Variants in FYN observed in about 807,000 individuals in gnomAD.
FYN encodes the protein FYN proto-oncogene, Src family tyrosine kinase.
A neutral mutation model predicts 70.2 loss-of-function variants in FYN; 10 were observed. The observed-to-expected ratio is 0.14, with a 90% CI of 0.09 to 0.24. The LOEUF is 0.24. Ranked by LOEUF, FYN falls within the 10% of genes least tolerant of loss-of-function variation. FYN has a pLI of 1.00. For missense variants in FYN, 319 were observed against 673.1 expected (o/e 0.47, Z 5.82); for synonymous variants, 236 against 248.6 (o/e 0.95, Z 0.48).
At chr6:111,709,838 C>A (rs75518475) in intron 5 of FYN, among the ~76,000 whole-genome samples, 21 of 152,008 alleles carry the variant, frequency 1.4e-4, no homozygotes, top group Non-Finnish European at 2.9e-5. Flanking sequence ...TTGTAAGCAC[C>A]CCTCTCTTTG....
At position 111,708,033 on chromosome 6, in the gene FYN, A is replaced by G. The variant is rs1293916764; in HGVS notation, c.345-13T>C. ...CCAATCTCCTTCCCTGTAAATAAAA[A>G]AGAAAAGTAAATATGTTGACCATTT... On this transcript the variant is annotated splice_polypyrimidine_tract_variant and intron_variant, in intron 5 of 13. Transcript: ENST00000354650. 6.3e-7 allele frequency: 1 copy of G among 1,593,962 alleles called. No individual in the cohort carries two copies. Among genetic ancestry groups the G allele is most frequent in the Non-Finnish European group, 8.6e-7 (1 of 1,161,912 alleles).
At chr6:111,732,658 C>T (rs774197240) in intron 3 of FYN, among the ~76,000 whole-genome samples, 10 of 152,198 alleles carry the variant, frequency 6.6e-5, no homozygotes, top group Non-Finnish European at 1.2e-4. Flanking sequence ...GGCCAGATCA[C>T]TTAATTCTAG....
At chr6:111,758,185 T>C (rs1237883162) in intron 3 of FYN, among the ~76,000 whole-genome samples, 3 of 152,214 alleles carry the variant, frequency 2.0e-5, no homozygotes, top group Admixed American at 6.5e-5. Flanking sequence ...TATAATGGAA[T>C]AGTATATAGC....
At chr6:111,836,767 A>T (rs939013299) in intron 2 of FYN, among the ~76,000 whole-genome samples, 1 of 152,236 alleles carries the variant, frequency 6.6e-6, no homozygotes, top group Non-Finnish European at 1.5e-5. Flanking sequence ...GTCTCAAAAA[A>T]GAAACAAAGA....
intron 3 of FYN, among the ~76,000 whole-genome samples, chr6:111,777,908 C>T (rs1040060693): frequency 2.0e-5 from 3 of 152,200 alleles, no homozygotes; most frequent in Non-Finnish European, 2.9e-5. Flanking sequence ...GGATGAGCTG[C>T]GCCTGGGCTC....
rs190959894 is a variant in FYN, at chr6:111,828,729, G to A, written c.-82+17860C>T. Among the ~76,000 whole-genome samples the A allele has an allele frequency of 5.3e-4, 81 of 152,312 alleles. No individual in the cohort carries two copies. In the East Asian group the frequency reaches 0.015, roughly 28 times the overall value. On this transcript the variant is annotated intron_variant, in intron 2 of 13. Coordinates refer to ENST00000354650, the MANE Select transcript of FYN (RefSeq NM_002037.5). ...AATTTATACAGACAAAAAGTAGAAC[G>A]GTGGTTGCCAGGGGCTAGGGGAATG...
chr6:111,824,064 G>C (rs377741989), intron 2 of FYN, among the ~76,000 whole-genome samples: 1 of 152,188 alleles, frequency 6.6e-6, no homozygotes, highest in African/African-American at 2.4e-5. Context: ...TGGGCAAATA[G>C]CTTAAAAAGC....
intron 13 of FYN, among the ~76,000 whole-genome samples, chr6:111,666,769 G>A (rs1324112714): frequency 6.6e-6 from 1 of 152,176 alleles, no homozygotes; most frequent in Non-Finnish European, 1.5e-5. Context: ...GGAGGTTGAG[G>A]CTGTAGTGAG....
intron 3 of FYN, among the ~76,000 whole-genome samples, chr6:111,745,848 T>C (rs1302816987): frequency 6.6e-6 from 1 of 152,108 alleles, no homozygotes; most frequent in East Asian, 1.9e-4. Context: ...CACTGGGGAG[T>C]GAATACACTT....
At chr6:111,688,659 A>ATGCAGCGTGTGTGTGCTCATGCAGCGTG (rs1407417223) in intron 12 of FYN, among the ~76,000 whole-genome samples, 1 of 149,556 alleles carries the variant, frequency 6.7e-6, no homozygotes, top group Admixed American at 6.6e-5. Flanking sequence ...GTGTGTGCTC[A>ATGCAGCGTGTGTGTGCTCATGCAGCGTG]TGTGTGCTCA....
chr6:111,753,034 T>A (rs1802556867), intron 3 of FYN, among the ~76,000 whole-genome samples: 1 of 152,208 alleles, frequency 6.6e-6, no homozygotes, highest in South Asian at 2.1e-4. Flanking sequence ...TAGCTTTGGA[T>A]AAAATTTAGT....
intron 12 of FYN, among the ~76,000 whole-genome samples, chr6:111,682,881 G>A (rs777293419): frequency 2.6e-5 from 4 of 152,188 alleles, no homozygotes; most frequent in Non-Finnish European, 4.4e-5. Context: ...CTGGTACCTG[G>A]TAATAGCTGA....
chr6:111,792,153 A>G (rs928930665), intron 2 of FYN, among the ~76,000 whole-genome samples: 8 of 152,224 alleles, frequency 5.3e-5, no homozygotes, highest in African/African-American at 1.7e-4. Flanking sequence ...CTAAAAATCA[A>G]TAAGGAAAAG....
chr6:111,709,495 A>C (rs1433557903), intron 5 of FYN, among the ~76,000 whole-genome samples: 1 of 152,220 alleles, frequency 6.6e-6, no homozygotes, highest in African/African-American at 2.4e-5. Flanking sequence ...TGGCATAAGT[A>C]ACAGAATAGC....
At chr6:111,784,799 CT>C (rs1771303478) in intron 2 of FYN, among the ~76,000 whole-genome samples, 2 of 152,206 alleles carry the variant, frequency 1.3e-5, no homozygotes, top group South Asian at 4.1e-4. Flanking sequence ...AAAGAGCCAG[CT>C]GGTCTGGGAA....
intron 3 of FYN, among the ~76,000 whole-genome samples, chr6:111,762,012 T>C (rs1313374499): frequency 2.6e-5 from 4 of 152,156 alleles, no homozygotes; most frequent in Non-Finnish European, 5.9e-5. Context: ...AAGAAATTGG[T>C]TATGCCCTTC....
intron 3 of FYN, among the ~76,000 whole-genome samples, chr6:111,748,637 T>C (rs1234269057): frequency 2.6e-5 from 4 of 152,168 alleles, no homozygotes; most frequent in African/African-American, 9.7e-5. Context: ...ACTAACCACA[T>C]GTGGCTGGTT....
rs182096900 is a variant in FYN, at chr6:111,869,673, C to T, written c.-123+3295G>A. Among the ~76,000 whole-genome samples the T allele has an allele frequency of 3.4e-4, 52 of 152,300 alleles. 1 individual carries two copies. The highest frequency in any genetic ancestry group is 2.8e-3 in the Admixed American group (43 of 15,308). ...CCTCCCAAAGTGCTGGGATTACAGG[C>T]GTGAGCTGCAACATCCAGAAGGAGT... On this transcript the variant is annotated intron_variant, in intron 1 of 13. Coordinates refer to ENST00000354650, the MANE Select transcript of FYN (RefSeq NM_002037.5).
intron 9 of FYN, among the ~76,000 whole-genome samples, chr6:111,697,350 C>T (rs1408819962): frequency 1.3e-5 from 2 of 152,092 alleles, no homozygotes; most frequent in African/African-American, 2.4e-5. Context: ...ACCTATGATG[C>T]TTAAGAATAA....
Sources: allele counts gnomAD v4.1 joint callset (sites outside exome capture counted in the v4.1 genomes callset), GRCh38; gene constraint gnomAD v4.1.1; transcripts MANE v1.5; gene names NCBI Gene and HGNC (gene_info 2026-07-23, HGNC 2026-07-21).